PIKFYVE: variants seen among roughly 807,000 people sequenced by gnomAD.
PIKFYVE encodes phosphoinositide kinase, FYVE-type zinc finger containing.
PIKFYVE carries 122 observed loss-of-function variants against 257.9 expected under a neutral mutation model. The ratio of observed to expected loss-of-function variants is 0.47; its 90% CI spans 0.41 to 0.55. The LOEUF is 0.55. Among genes scored for constraint, PIKFYVE ranks in the 20% least tolerant of loss-of-function variants. The pLI, the probability that PIKFYVE is intolerant of heterozygous loss-of-function variation, is 0.00. For missense variants in PIKFYVE, 2,160 were observed against 2,536.6 expected, an observed-to-expected ratio of 0.85 and a Z score of 3.19; for synonymous variants, 892 against 868.9, an observed-to-expected ratio of 1.03 and a Z score of -0.47.
intron 31 of PIKFYVE, 86 bp downstream of exon 31, chr2:208,340,217 T>A: frequency 6.7e-7 from 1 of 1,500,666 alleles, no homozygotes; most frequent in Non-Finnish European, 9.2e-7. Context: ...ATTTATCTGA[T>A]GCATGATTTT....
chr2:208,357,294 A>T lies in PIKFYVE; in HGVS notation c.*1989A>T, dbSNP rs1700214141. The T allele has an allele frequency of 6.6e-6, 1 of 152,232 alleles. No individual in the cohort carries two copies. The highest frequency in any genetic ancestry group is 2.1e-4 in the South Asian group (1 of 4,832). 9.4% of individuals were successfully genotyped at this position (152,232 alleles called of 1,614,324 possible). ...CTCTGTTCATTTTTTCTGTGAGGAT[A>T]CTTAAGGTTATTATTCCTGTCTGTT... On this transcript the variant is annotated 3_prime_UTR_variant, in exon 42 of 42. Coordinates refer to ENST00000264380, the MANE Select transcript of PIKFYVE (RefSeq NM_015040.4).
At chr2:208,324,767 A>G (rs1696717817) in intron 18 of PIKFYVE, 144 bp from the exon 19 acceptor site, 5 of 995,206 alleles carry the variant, frequency 5.0e-6, no homozygotes, top group Non-Finnish European at 7.4e-6. Context: ...AGAAGAATCC[A>G]GAATAAAAAA....
intron 20 of PIKFYVE, among the ~76,000 whole-genome samples, chr2:208,327,503 TAA>T (rs1697068081): frequency 6.6e-6 from 1 of 152,250 alleles, no homozygotes. Flanking sequence ...TTTGAAGTGT[TAA>T]AAAGCAAATT....
chr2:208,325,093 A>G, intron 19 of PIKFYVE, 56 bp downstream of exon 19: 1 of 1,608,182 alleles, frequency 6.2e-7, no homozygotes, highest in Non-Finnish European at 8.5e-7. Flanking sequence ...TATCACTACT[A>G]CAATGTTTAC....
At position 208,301,091 on chromosome 2, in the gene PIKFYVE, C is replaced by T; in HGVS notation, c.1205C>T (p.Thr402Ile). The T allele has an allele frequency of 6.2e-7, 1 of 1,613,988 alleles. No individual in the cohort carries two copies. Among genetic ancestry groups the T allele is most frequent in the Non-Finnish European group, 8.5e-7 (1 of 1,179,876 alleles). Residue 402 changes from threonine (T) to isoleucine (I), a missense_variant, in exon 9 of 42, where the codon ACA becomes ATA. Coordinates refer to ENST00000264380, the MANE Select transcript of PIKFYVE (RefSeq NM_015040.4). ...CTAATCCGAAATGGGCATATTGCCA[C>T]AAGGTATTCTGATCTTAGAAGGTTT... is the stretch of plus-strand genomic sequence containing the variant. Reference protein sequence around the residue: ...NWLIRNGHIATRAQAIAIGQA... With the variant: ...NWLIRNGHIAIRAQAIAIGQA...
intron 12 of PIKFYVE, 116 bp downstream of exon 12, chr2:208,305,129 G>A: frequency 6.4e-7 from 1 of 1,556,126 alleles, no homozygotes; most frequent in Non-Finnish European, 8.7e-7. Flanking sequence ...GGTATTTGGT[G>A]TGGGTTTTGT....
chr2:208,312,513 T>C (rs1695042113), intron 13 of PIKFYVE, among the ~76,000 whole-genome samples: 1 of 152,228 alleles, frequency 6.6e-6, no homozygotes, highest in Admixed American at 6.5e-5. Context: ...AGGTCTCTGA[T>C]GTGAAAAGTA....
chr2:208,300,469 T>C (rs1008005074), intron 8 of PIKFYVE, among the ~76,000 whole-genome samples: 9 of 151,828 alleles, frequency 5.9e-5, no homozygotes, highest in Admixed American at 4.6e-4. Context: ...TTTGAAACTT[T>C]AGTTGCTGAG....
chr2:208,302,752 A>G (rs17698897), intron 10 of PIKFYVE, among the ~76,000 whole-genome samples: 57,411 of 151,832 alleles, frequency 0.38, 11,820 homozygotes, highest in Admixed American at 0.46. Flanking sequence ...TATGGCATCT[A>G]TTGAAATCAT....
Position 208,289,034 on chromosome 2 carries a change from C to G in PIKFYVE, c.911+216C>G, listed in dbSNP as rs1438795579. On this transcript the variant is annotated intron_variant, in intron 7 of 41. Transcript: ENST00000264380. ...CTCCAGTGGCTTCCGGGTTTGGAAC[C>G]TACACCATCCTTTCTCTTCTGGTTA... Among the ~76,000 whole-genome samples, 6 of 152,180 alleles carry G rather than the reference C, an allele frequency of 3.9e-5. No individual in the cohort carries two copies. In the South Asian group the frequency reaches 6.2e-4, roughly 16 times the overall value.
intron 6 of PIKFYVE, 28 bp downstream of exon 6, chr2:208,285,961 TAG>T (rs751145579): frequency 6.3e-7 from 1 of 1,598,220 alleles, no homozygotes; most frequent in East Asian, 2.2e-5. Context: ...TAATTTTATT[TAG>T]AGTTGAAAAA....
At chr2:208,283,375 C>T (rs1266831395) in intron 5 of PIKFYVE, among the ~76,000 whole-genome samples, 1 of 152,144 alleles carries the variant, frequency 6.6e-6, no homozygotes, top group South Asian at 2.1e-4. Context: ...ACCATATAGG[C>T]ATGCGCTTAA....
intron 7 of PIKFYVE, among the ~76,000 whole-genome samples, chr2:208,291,065 T>TTCCTG (rs1276410066): frequency 6.6e-6 from 1 of 152,194 alleles, no homozygotes; most frequent in Non-Finnish European, 1.5e-5. Flanking sequence ...GGGACATCCT[T>TTCCTG]TCCTTGTTCC....
chr2:208,284,261 CTTT>C (rs35089730), intron 5 of PIKFYVE, among the ~76,000 whole-genome samples: 1 of 139,954 alleles, frequency 7.1e-6, no homozygotes, highest in Admixed American at 7.1e-5. Flanking sequence ...CATTTCTATC[CTTT>C]TTTTTTTTTT....
intron 17 of PIKFYVE, among the ~76,000 whole-genome samples, chr2:208,321,627 G>T (rs1467104429): frequency 6.8e-6 from 1 of 146,634 alleles, no homozygotes; most frequent in Non-Finnish European, 1.5e-5. Flanking sequence ...CCCCAGGCTG[G>T]AGCGCAATGG....
intron 13 of PIKFYVE, 108 bp from the exon 14 acceptor site, chr2:208,314,186 G>T: frequency 8.0e-7 from 1 of 1,247,144 alleles, no homozygotes; most frequent in Non-Finnish European, 1.1e-6. Flanking sequence ...AATTTATGTT[G>T]GCTAACTTAA....
At chr2:208,339,709 T>A (rs970511216) in intron 30 of PIKFYVE, among the ~76,000 whole-genome samples, 154 bp downstream of exon 30, 1 of 152,242 alleles carries the variant, frequency 6.6e-6, no homozygotes, top group Non-Finnish European at 1.5e-5. Context: ...GGTAACTACT[T>A]AAATTATAGT....
At position 208,321,556 on chromosome 2, in the gene PIKFYVE, T is replaced by C. The variant is rs902888877; in HGVS notation, c.2190+1197T>C. 1.1e-3 allele frequency among the ~76,000 whole-genome samples: 100 copies of C among 90,844 alleles called. 1 individual carries two copies. The highest frequency in any genetic ancestry group is 2.7e-4 in the Non-Finnish European group (12 of 44,658). The allele number at this position is 90,844 out of a possible 152,430, so 59.6% of individuals were successfully genotyped here. A position where few individuals can be genotyped will look rare whatever the true frequency, so the allele number is the denominator to read the frequency against. On this transcript the variant is annotated intron_variant, in intron 17 of 41. Transcript: ENST00000264380. The stretch of plus-strand genomic sequence containing the variant: ...AAGAAATAAAGGGAAATACTTCTTT[T>C]TTCTTTTTCTTTTCTTTTGTTTTTT...
At chr2:208,344,209 C>T (rs1699014040) in intron 32 of PIKFYVE, among the ~76,000 whole-genome samples, 1 of 152,102 alleles carries the variant, frequency 6.6e-6, no homozygotes, top group Admixed American at 6.5e-5. Flanking sequence ...GAAGGCATTA[C>T]AGTTTTTAAT....
Sources: gnomAD v4.1 joint callset for allele counts (sites outside exome capture counted in the v4.1 genomes callset) on GRCh38, gnomAD v4.1.1 for gene constraint, MANE v1.5 for transcripts, NCBI Gene and HGNC (gene_info 2026-07-23, HGNC 2026-07-21) for gene names.